CHIC2: variants seen among roughly 807,000 people sequenced by gnomAD.
CHIC2 encodes the protein cysteine rich hydrophobic domain 2.
In CHIC2, 14 loss-of-function variants were observed where a neutral mutation model predicts 25.9. The observed-to-expected ratio is 0.54, with a 90% CI of 0.36 to 0.85. The LOEUF (loss-of-function observed/expected upper bound fraction) is 0.85, where lower values mean the gene tolerates loss of function less well. Among genes scored for constraint, CHIC2 ranks in the 40% least tolerant of loss-of-function variants. CHIC2 has a pLI of 0.01. For synonymous variants in CHIC2, 70 were observed against 72.0 expected (o/e 0.97, Z 0.14); for missense variants, 146 against 202.0 (o/e 0.72, Z 1.68).
In CHIC2 at chr4:54,030,575, T is replaced by C. The variant is rs1269681650; in HGVS notation, c.331-16456A>G. On this transcript the variant is annotated intron_variant, in intron 3 of 5. Transcript: ENST00000263921. ...ATGTATACACACACACACACACACA[T>C]ATACAATATATAAATGTATAAATCT... Among the ~76,000 whole-genome samples, 13 of 116,656 alleles carry C rather than the reference T, an allele frequency of 1.1e-4. No homozygotes were observed. In the South Asian group the frequency reaches 2.1e-3, roughly 19 times the overall value. The allele number at this position is 116,656 out of a possible 152,430, so 76.5% of individuals were successfully genotyped here. A position where few individuals can be genotyped will look rare whatever the true frequency, so the allele number is the denominator to read the frequency against.
upstream of CHIC2, among the ~76,000 whole-genome samples, chr4:54,068,652 C>A (rs1355422832): frequency 1.3e-5 from 2 of 152,202 alleles, no homozygotes; most frequent in Non-Finnish European, 1.5e-5. Flanking sequence ...CAACAACAAC[C>A]AACACAGAAG....
intron 1 of CHIC2, among the ~76,000 whole-genome samples, chr4:54,062,402 C>G (rs192427711): frequency 1.5e-3 from 235 of 151,976 alleles, no homozygotes; most frequent in African/African-American, 5.4e-3. Context: ...AGTATTTGGC[C>G]TTCAACTGGC....
chr4:54,025,408 T>C (rs1043432997), intron 3 of CHIC2, among the ~76,000 whole-genome samples: 17 of 151,974 alleles, frequency 1.1e-4, no homozygotes, highest in Non-Finnish European at 1.3e-4. Context: ...TCCCAAAATC[T>C]GTAAGAACTA....
chr4:54,064,567 G>T lies in CHIC2; in HGVS notation c.-267C>A, dbSNP rs573325155. ...GGCCGACACCTCCACAAGCACAGAC[G>T]CCGCTGCCGCCGCCGCAGCAGCAGC... On this transcript the variant is annotated 5_prime_UTR_variant, in exon 1 of 6. Coordinates refer to ENST00000263921, the MANE Select transcript of CHIC2 (RefSeq NM_012110.4). This position sits in a 1 kb window ranked among gnomAD's most constrained non-coding sequence, Gnocchi z 4.2. 67 of 1,272,742 alleles carry T rather than the reference G, an allele frequency of 5.3e-5. No individual in the cohort carries two copies. In the South Asian group the frequency reaches 9.5e-4, roughly 18 times the overall value. 78.8% of individuals were successfully genotyped at this position (1,272,742 alleles called of 1,614,324 possible). A position where few individuals can be genotyped will look rare whatever the true frequency, so the allele number is the denominator to read the frequency against.
At chr4:54,013,082 C>A (rs530184688) in intron 5 of CHIC2, among the ~76,000 whole-genome samples, 2 of 152,094 alleles carry the variant, frequency 1.3e-5, no homozygotes, top group South Asian at 2.1e-4. Flanking sequence ...TTCCTTAGAT[C>A]TTTTCTTTTA....
chr4:54,082,499 G>A, the CHIC2 span, among the ~76,000 whole-genome samples: 2 of 152,210 alleles, frequency 1.3e-5, no homozygotes, highest in Non-Finnish European at 2.9e-5. Context: ...AAGGCAGGGT[G>A]TCTGAACCCT....
chr4:54,027,962 C>A (rs889864281), intron 3 of CHIC2, among the ~76,000 whole-genome samples: 1 of 152,106 alleles, frequency 6.6e-6, no homozygotes, highest in African/African-American at 2.4e-5. Flanking sequence ...TCTTGGTTGT[C>A]CAACTATAAC....
intron 3 of CHIC2, among the ~76,000 whole-genome samples, chr4:54,038,815 A>C (rs1716474143): frequency 6.6e-6 from 1 of 152,094 alleles, no homozygotes; most frequent in East Asian, 1.9e-4. Context: ...TGAGCCCAGG[A>C]GTTCGAGACC....
At chr4:54,013,742 A>C in intron 5 of CHIC2, 95 bp downstream of exon 5, 1 of 1,271,244 alleles carries the variant, frequency 7.9e-7, no homozygotes, top group Non-Finnish European at 1.1e-6. Context: ...AGCTCCTGAC[A>C]CCTTTGCTGA....
chr4:54,089,983 GC>G, the CHIC2 span, among the ~76,000 whole-genome samples: 1 of 152,108 alleles, frequency 6.6e-6, no homozygotes, highest in East Asian at 1.9e-4. Context: ...AAACTTTTAG[GC>G]TATGTACACT....
At chr4:54,047,663 G>C (rs1024837181) in intron 3 of CHIC2, among the ~76,000 whole-genome samples, 2 of 127,596 alleles carry the variant, frequency 1.6e-5, no homozygotes, top group Admixed American at 8.5e-5. Context: ...GTGGGGGGAG[G>C]GGGGAGGGAT....
chr4:54,077,735 T>C, the CHIC2 span, among the ~76,000 whole-genome samples: 1 of 152,204 alleles, frequency 6.6e-6, no homozygotes, highest in Non-Finnish European at 1.5e-5. Context: ...AAGATCCCAC[T>C]CTGCCAGTGG....
At chr4:54,066,568 G>A (rs1294566459), upstream of CHIC2, among the ~76,000 whole-genome samples, 4 of 151,622 alleles carry the variant, frequency 2.6e-5, no homozygotes, top group South Asian at 2.1e-4. Flanking sequence ...GCCATGTGAC[G>A]ATTTAAGATT....
At chr4:54,032,240 T>C (rs1716248783) in intron 3 of CHIC2, among the ~76,000 whole-genome samples, 1 of 151,744 alleles carries the variant, frequency 6.6e-6, no homozygotes, top group South Asian at 2.1e-4. Flanking sequence ...CTAACAAGGT[T>C]AAGAAGTTGG....
At chr4:54,067,742 T>C (rs1717544957), upstream of CHIC2, among the ~76,000 whole-genome samples, 1 of 152,156 alleles carries the variant, frequency 6.6e-6, no homozygotes, top group Non-Finnish European at 1.5e-5. Flanking sequence ...TTAAGGCAAA[T>C]ATTGCTTAGT....
intron 4 of CHIC2, 30 bp downstream of exon 4, chr4:54,014,033 C>T: frequency 6.2e-7 from 1 of 1,610,998 alleles, no homozygotes; most frequent in African/African-American, 1.3e-5. Flanking sequence ...CAGACCCCAA[C>T]AGTACGAAGC....
intron 1 of CHIC2, 131 bp from the exon 2 acceptor site, chr4:54,049,436 G>C (rs1241118374): frequency 2.0e-6 from 1 of 507,370 alleles, no homozygotes; most frequent in Admixed American, 3.9e-5. Flanking sequence ...TAAAATGGAA[G>C]TTTGAGATAA....
chr4:54,023,573 T>C (rs1020134948), intron 3 of CHIC2, among the ~76,000 whole-genome samples: 10 of 152,042 alleles, frequency 6.6e-5, no homozygotes, highest in African/African-American at 2.2e-4. Context: ...TTCACTCCAT[T>C]TCCCCATATT....
At chr4:54,046,870 G>A (rs1320324228) in intron 3 of CHIC2, among the ~76,000 whole-genome samples, 4 of 152,152 alleles carry the variant, frequency 2.6e-5, no homozygotes, top group African/African-American at 4.8e-5. Flanking sequence ...GCAACCTACA[G>A]AATGGGAGAA....
Sources: allele counts gnomAD v4.1 joint callset (sites outside exome capture counted in the v4.1 genomes callset), GRCh38; gene constraint gnomAD v4.1.1; non-coding constraint Gnocchi (gnomAD v3.1); transcripts MANE v1.5; gene names NCBI Gene and HGNC (gene_info 2026-07-23, HGNC 2026-07-21).